Variants in CHD8 observed in about 807,000 individuals in gnomAD.
CHD8 encodes the protein ATP-dependent chromatin remodeler CHD8.
CHD8 carries 31 observed loss-of-function variants against 279.2 expected under a neutral mutation model. The observed-to-expected ratio is 0.11, with a 90% CI of 0.08 to 0.15. The LOEUF is 0.15. Among genes scored for constraint, CHD8 ranks in the 10% least tolerant of loss-of-function variants. The pLI is 1.00. For synonymous variants in CHD8, 1,081 were observed against 1,139.6 expected (o/e 0.95, Z 1.04); for missense variants, 2,146 against 3,230.5 (o/e 0.66, Z 8.14).
intron 2 of CHD8, chr14:21,429,698 C>T (rs1422384980): frequency 1.6e-5 from 6 of 368,800 alleles, no homozygotes; most frequent in Admixed American, 1.4e-4. Flanking sequence ...TTAGTGCAGA[C>T]ACCTGATTGG....
At position 21,415,637 on chromosome 14, in the gene CHD8, A is replaced by G. The variant is rs1594359602; in HGVS notation, c.1905T>C (p.Asn635=). 6.2e-7 allele frequency: 1 copy of G among 1,609,760 alleles called. No individual in the cohort carries two copies. The highest frequency in any genetic ancestry group is 8.5e-7 in the Non-Finnish European group (1 of 1,177,924). Reference sequence around the variant, plus strand: ...CAATGGCTGCATCTTCTTCACTGGGATTCTCCTGCAGCAAAAGATGCAGTC... The same window carrying G: ...CAATGGCTGCATCTTCTTCACTGGGGTTCTCCTGCAGCAAAAGATGCAGTC... ...TLPSMQFFVE[N]PSEEDAAIVD... is the part of the protein sequence containing the mutation. Residue 635 remains asparagine (N), a synonymous_variant, in exon 7 of 38, where the codon AAT becomes AAC. Transcript: ENST00000646647.
chr14:21,394,624 A>AG (rs1887696436), intron 30 of CHD8, 139 bp from the exon 31 acceptor site: 1 of 575,712 alleles, frequency 1.7e-6, no homozygotes, highest in Non-Finnish European at 2.9e-6. Flanking sequence ...AAAAAAAAAA[A>AG]GGCCCAGAAG....
At chr14:21,434,957 CT>C (rs1415239382) in intron 1 of CHD8, among the ~76,000 whole-genome samples, 1 of 152,128 alleles carries the variant, frequency 6.6e-6, no homozygotes, top group Non-Finnish European at 1.5e-5. Flanking sequence ...ATTCTCTTTC[CT>C]TGATTCAAAC....
chr14:21,451,294 G>T lies in CHD8; in HGVS notation c.-216+4738C>A, dbSNP rs528584726. ...TAATGTAAAAGTAATTATCGGCTGG[G>T]TGCGGTAGCTCACACCTGTAATCCC... On this transcript the variant is annotated intron_variant, in intron 1 of 37. Coordinates refer to ENST00000646647, the MANE Select transcript of CHD8 (RefSeq NM_001170629.2). Among the ~76,000 whole-genome samples, 6 of 152,176 alleles carry T rather than the reference G, an allele frequency of 3.9e-5. No homozygotes were observed. In the South Asian group the frequency reaches 1.2e-3, roughly 32 times the overall value.
chr14:21,418,039 G>C (rs1292223088), intron 5 of CHD8, among the ~76,000 whole-genome samples: 1 of 151,548 alleles, frequency 6.6e-6, no homozygotes, highest in Non-Finnish European at 1.5e-5. Flanking sequence ...TTCCTACAAA[G>C]TCACGTTTGT....
intron 1 of CHD8, among the ~76,000 whole-genome samples, chr14:21,437,760 C>T (rs938314440): frequency 3.3e-5 from 5 of 152,190 alleles, no homozygotes; most frequent in Non-Finnish European, 7.3e-5. Flanking sequence ...TTAAAGCACT[C>T]TTTCTGCCAC....
chr14:21,428,273 T>A lies in CHD8; in HGVS notation c.1216-19A>T. On this transcript the variant is annotated intron_variant, in intron 3 of 37. Transcript: ENST00000646647. ...AGCCAGCCTATAGAAACAAAGATAC[T>A]ACAATTTCAACTTGCTTGTAGTTAA... 2 of 1,605,716 alleles carry A rather than the reference T, an allele frequency of 1.2e-6. No individual in the cohort carries two copies. Among genetic ancestry groups the A allele is most frequent in the Non-Finnish European group, 1.7e-6 (2 of 1,175,474 alleles).
intron 7 of CHD8, 93 bp downstream of exon 7, chr14:21,415,481 G>C: frequency 1.4e-6 from 1 of 708,052 alleles, no homozygotes; most frequent in Non-Finnish European, 2.0e-6. Flanking sequence ...CTTTAGCCTG[G>C]GTAACACAGT....
chr14:21,428,611 G>A (rs1024301479), intron 3 of CHD8, among the ~76,000 whole-genome samples: 6 of 152,194 alleles, frequency 3.9e-5, no homozygotes, highest in Middle Eastern at 3.4e-3. Context: ...CTGCCTGGGC[G>A]GGGAGAGGGG....
chr14:21,431,086 T>C lies in CHD8; in HGVS notation c.558A>G (p.Thr186=). The stretch of plus-strand genomic sequence containing the variant: ...CTGTGCCTGCCACCAGGGGCTGAGC[T>C]GTGCTGGTGATACCTTGGGCCTGAA... The part of the protein sequence containing the change: ...AQIQAQGITS[T]AQPLVAGTAN... Residue 186 remains threonine (T), a synonymous_variant, in exon 2 of 38, where the codon ACA becomes ACG. Transcript: ENST00000646647. 1 of 1,599,274 alleles carries C rather than the reference T, an allele frequency of 6.3e-7. No homozygotes were observed. The highest frequency in any genetic ancestry group is 1.1e-5 in the South Asian group (1 of 91,044).
chr14:21,422,074 C>G (rs1889069582), intron 5 of CHD8, among the ~76,000 whole-genome samples: 1 of 152,214 alleles, frequency 6.6e-6, no homozygotes, highest in South Asian at 2.1e-4. Context: ...AGTGCAGTTA[C>G]TCACACCTGT....
chr14:21,423,899 C>T (rs1195754231), intron 5 of CHD8, among the ~76,000 whole-genome samples: 5 of 152,192 alleles, frequency 3.3e-5, no homozygotes, highest in South Asian at 4.2e-4. Flanking sequence ...CTAAGAAACT[C>T]GCTCAGAGTG....
intron 37 of CHD8, among the ~76,000 whole-genome samples, chr14:21,387,845 CAT>C (rs1161905681): frequency 6.8e-6 from 1 of 148,044 alleles, no homozygotes; most frequent in Non-Finnish European, 1.5e-5. Flanking sequence ...CTGTACTAGT[CAT>C]ATTAGGATTT....
intron 1 of CHD8, among the ~76,000 whole-genome samples, chr14:21,438,183 C>T (rs1043299311): frequency 6.6e-6 from 1 of 151,896 alleles, no homozygotes. Context: ...GCCTCAGCCT[C>T]CCGAATAGCT....
At position 21,401,857 on chromosome 14, in the gene CHD8, A is replaced by G. The variant is rs1379679254; in HGVS notation, c.4062+100T>C. 5 of 1,146,678 alleles carry G rather than the reference A, an allele frequency of 4.4e-6. No individual in the cohort carries two copies. The Admixed American group carries it at 1.2e-4, about 27-fold the overall frequency. 71.0% of individuals were successfully genotyped at this position (1,146,678 alleles called of 1,614,324 possible). On this transcript the variant is annotated intron_variant, in intron 20 of 37. Coordinates refer to ENST00000646647, the MANE Select transcript of CHD8 (RefSeq NM_001170629.2). ...CGCCTCAGCCTCCCAAAGTGCTGGG[A>G]ATATAGGCATGAGCCACCATCCCCA...
chr14:21,452,724 G>T (rs1290912448), intron 1 of CHD8, among the ~76,000 whole-genome samples: 1 of 151,788 alleles, frequency 6.6e-6, no homozygotes. Context: ...AGTGGCTGAC[G>T]CCTGTAATCC....
rs980922391 is a variant in CHD8, at chr14:21,446,768, T to C, written c.-216+9264A>G. Among the ~76,000 whole-genome samples the C allele has an allele frequency of 3.9e-5, 6 of 152,336 alleles. No homozygotes were observed. The East Asian group carries it at 9.6e-4, about 24-fold the overall frequency. On this transcript the variant is annotated intron_variant, in intron 1 of 37. Transcript: ENST00000646647. ...AGGCAGTGTAGCTCCAGAAGACACATTCTTAACCACCTTACTATACTATGC... is the reference window on the plus strand; with the variant it reads ...AGGCAGTGTAGCTCCAGAAGACACACTCTTAACCACCTTACTATACTATGC...
At chr14:21,397,235 G>T in intron 27 of CHD8, 1 of 460,188 alleles carries the variant, frequency 2.2e-6, no homozygotes, top group South Asian at 1.5e-5. Flanking sequence ...TCGTCAAAGA[G>T]AAATTTCTCA....
chr14:21,453,655 G>A (rs59795052), intron 1 of CHD8, among the ~76,000 whole-genome samples: 6 of 151,916 alleles, frequency 3.9e-5, no homozygotes, highest in African/African-American at 9.7e-5. Flanking sequence ...GTGGAGACTC[G>A]AGAGAAATGT....
Sources: gnomAD v4.1 joint callset for allele counts (sites outside exome capture counted in the v4.1 genomes callset) on GRCh38, gnomAD v4.1.1 for gene constraint, MANE v1.5 for transcripts, NCBI Gene and HGNC (gene_info 2026-07-23, HGNC 2026-07-21) for gene names.